Variants in PTPRO observed in about 807,000 individuals in gnomAD.
PTPRO encodes the protein protein tyrosine phosphatase receptor type O, also known as receptor-type tyrosine-protein phosphatase O.
A neutral mutation model predicts 145.2 loss-of-function variants in PTPRO; 62 were observed. The observed-to-expected ratio is 0.43, with a 90% confidence interval of 0.35 to 0.53. The LOEUF is 0.53. Ranked by LOEUF, PTPRO falls within the 20% of genes least tolerant of loss-of-function variation. PTPRO has a pLI of 0.01. For missense variants in PTPRO, 1,345 were observed against 1,482.7 expected, an observed-to-expected ratio of 0.91 and a Z score of 1.53; for synonymous variants, 565 against 514.7, an observed-to-expected ratio of 1.10 and a Z score of -1.32.
chr12:15,541,222 T>G (rs542547081), intron 12 of PTPRO, among the ~76,000 whole-genome samples: 9 of 152,208 alleles, frequency 5.9e-5, no homozygotes, highest in Non-Finnish European at 1.3e-4. Flanking sequence ...CCAGGAGATG[T>G]TCCATAACTA....
chr12:15,524,927 A>G lies in PTPRO; in HGVS notation c.2005A>G (p.Met669Val), dbSNP rs1942807170. The change falls in exon 11 of 27, where the codon ATG becomes GTG. Residue 669 changes from methionine to valine, a missense_variant. Met to Val is a conservative substitution (Grantham distance 21, BLOSUM62 1). Around this residue, in one of 3 missense-constraint regions of PTPRO, gnomAD observed 1,130 missense variants for 1,214.7 expected, o/e 0.93. Transcript: ENST00000281171. ...GTCCCATTCTAGAATGCTTCACTGG[A>G]TGGTGGTTGCAGAAGGAAAAAAGAA... ...DLSHSRMLHW[M>V]VVAEGKKKIK... 1 of 1,613,942 alleles carries G rather than the reference A, an allele frequency of 6.2e-7. No individual in the cohort carries two copies. The highest frequency in any genetic ancestry group is 1.3e-5 in the African/African-American group (1 of 74,896).
intron 1 of PTPRO, among the ~76,000 whole-genome samples, chr12:15,413,823 C>CAAAT (rs200886106): frequency 0.014 from 2,133 of 151,826 alleles, 58 homozygotes; most frequent in African/African-American, 0.049. Flanking sequence ...TCAATAAAAA[C>CAAAT]AAATAAATAA....
At chr12:15,434,125 T>C (rs971680848) in intron 1 of PTPRO, among the ~76,000 whole-genome samples, 7 of 152,200 alleles carry the variant, frequency 4.6e-5, no homozygotes, top group African/African-American at 1.7e-4. Context: ...TCCAGTAAAA[T>C]GCCCTTTGCA....
At chr12:15,410,675 T>C (rs565982572) in intron 1 of PTPRO, 2 of 152,290 alleles carry the variant, frequency 1.3e-5, no homozygotes, top group African/African-American at 4.8e-5. Flanking sequence ...ATTAGTAAAA[T>C]TTGCATCCTA....
chr12:15,403,216 T>A (rs1188394491), intron 1 of PTPRO, among the ~76,000 whole-genome samples: 1 of 152,140 alleles, frequency 6.6e-6, no homozygotes, highest in African/African-American at 2.4e-5. Flanking sequence ...ACACTCCAGC[T>A]TCATCGGCAT....
Position 15,508,701 on chromosome 12 carries a change from T to C in PTPRO, c.1398T>C (p.Ser466=). The C allele has an allele frequency of 6.2e-7, 1 of 1,614,092 alleles. No homozygotes were observed. Among genetic ancestry groups the C allele is most frequent in the Non-Finnish European group, 8.5e-7 (1 of 1,180,008 alleles). ...AGAACTACAACAGCACCATTGTGTC[T>C]GTGGTGTCGCTGACCTGCCAGAAAC... ...SQENYNSTIV[S]VVSLTCQKQK... The change falls in exon 7 of 27, where the codon TCT becomes TCC. Residue 466 remains serine (S), a synonymous_variant. Coordinates refer to ENST00000281171, the MANE Select transcript of PTPRO (RefSeq NM_030667.3).
chr12:15,467,361 C>T (rs1320962349), intron 1 of PTPRO, among the ~76,000 whole-genome samples: 1 of 151,966 alleles, frequency 6.6e-6, no homozygotes, highest in African/African-American at 2.4e-5. Flanking sequence ...CTCCTTCCTT[C>T]CCTGCTAGTA....
rs2135578268 is a variant in PTPRO at position 15,557,510 on chromosome 12, C to T, written c.2614C>T (p.Leu872Phe). 6.2e-7 allele frequency: 1 copy of T among 1,613,440 alleles called. No individual in the cohort carries two copies. The change falls in exon 16 of 27, where the codon CTT becomes TTT. Residue 872 changes from leucine to phenylalanine, a missense_variant. This residue lies in a region of PTPRO where 1,130 missense variants were observed against 1,214.7 expected (regional missense o/e 0.93). Transcript: ENST00000281171. Reference sequence around the variant, plus strand: ...TGCATCCTTAGAGAGGGATGGAAAGCTTCCATACAACTGGTGAGTATTGTT... The same window carrying T: ...TGCATCCTTAGAGAGGGATGGAAAGTTTCCATACAACTGGTGAGTATTGTT... The part of the protein sequence containing the change: ...NFASLERDGK[L>F]PYNWRRSIFA...
At chr12:15,516,622 GAA>G (rs1942602854) in intron 8 of PTPRO, 139 bp from the exon 9 acceptor site, 1 of 661,018 alleles carries the variant, frequency 1.5e-6, no homozygotes, top group African/African-American at 2.0e-5. Context: ...AGGAAGGAAG[GAA>G]GGAAGGAAGG....
intron 1 of PTPRO, among the ~76,000 whole-genome samples, chr12:15,444,513 T>C (rs911887563): frequency 5.9e-5 from 9 of 152,092 alleles, no homozygotes; most frequent in African/African-American, 2.2e-4. Flanking sequence ...AAAAAAAGTT[T>C]TAAAGGCAAA....
intron 1 of PTPRO, among the ~76,000 whole-genome samples, chr12:15,427,017 G>T (rs1052298655): frequency 1.3e-5 from 2 of 152,010 alleles, no homozygotes; most frequent in Non-Finnish European, 2.9e-5. Flanking sequence ...ACACAGCGTA[G>T]CAGGTCAGAA....
Position 15,537,930 on chromosome 12 carries a change from A to G in PTPRO, c.2165-8639A>G, listed in dbSNP as rs530275901. On this transcript the variant is annotated intron_variant, in intron 12 of 26. Transcript: ENST00000281171. ...TAGTGAGCAGAGTGAAGATCATGATAGCCGCTTGTGGATGGTTTCTTCTGA... is the reference window on the plus strand; with the variant it reads ...TAGTGAGCAGAGTGAAGATCATGATGGCCGCTTGTGGATGGTTTCTTCTGA... Among the ~76,000 whole-genome samples, 5 of 152,288 alleles carry G rather than the reference A, an allele frequency of 3.3e-5. No homozygotes were observed. In the South Asian group the frequency reaches 8.3e-4, roughly 25 times the overall value.
At position 15,484,215 on chromosome 12, in the gene PTPRO, C is replaced by A; in HGVS notation, c.317C>A (p.Thr106Asn). The A allele has an allele frequency of 1.2e-6, 2 of 1,613,354 alleles. No individual in the cohort carries two copies. The highest frequency in any genetic ancestry group is 1.7e-6 in the Non-Finnish European group (2 of 1,179,592). Residue 106 changes from threonine (T) to asparagine (N), a missense_variant, in exon 2 of 27, where the codon ACC becomes AAC. Thr to Asn is a moderately conservative substitution (Grantham distance 65, BLOSUM62 0). Coordinates refer to ENST00000281171, the MANE Select transcript of PTPRO (RefSeq NM_030667.3). The stretch of plus-strand genomic sequence containing the variant: ...GTAGTGGTAAATGGAAATGTGGTGA[C>A]CAAGCCATCCAGATCAATCACTGTG... ...TLVVVNGNVVTKPSRSITVLT... is the reference protein window; with the variant it reads ...TLVVVNGNVVNKPSRSITVLT...
chr12:15,433,907 G>A (rs889173334), intron 1 of PTPRO, among the ~76,000 whole-genome samples: 2 of 152,180 alleles, frequency 1.3e-5, no homozygotes, highest in Non-Finnish European at 2.9e-5. Context: ...GCCGTTGGTA[G>A]TTAGCAGCTT....
At chr12:15,564,858 A>G (rs1943858275) in intron 17 of PTPRO, among the ~76,000 whole-genome samples, 1 of 152,240 alleles carries the variant, frequency 6.6e-6, no homozygotes, top group Admixed American at 6.5e-5. Flanking sequence ...AAAGTGCTTC[A>G]ATAGATACTG....
At chr12:15,409,182 T>C (rs1939726881) in intron 1 of PTPRO, among the ~76,000 whole-genome samples, 1 of 152,168 alleles carries the variant, frequency 6.6e-6, no homozygotes, top group Admixed American at 6.5e-5. Flanking sequence ...AGCCAACAAA[T>C]ATTATGCTGC....
chr12:15,482,086 G>A (rs926916586), intron 1 of PTPRO, among the ~76,000 whole-genome samples: 1 of 151,924 alleles, frequency 6.6e-6, no homozygotes, highest in African/African-American at 2.4e-5. Context: ...CTTCACAGGA[G>A]GCAAGATACA....
At chr12:15,330,397 CA>C (rs2136199035) in intron 1 of PTPRO, among the ~76,000 whole-genome samples, 1 of 152,232 alleles carries the variant, frequency 6.6e-6, no homozygotes, top group South Asian at 2.1e-4. Context: ...GTAGCGGTCT[CA>C]AGATAACATG....
rs1591760520 is a variant in PTPRO, at chr12:15,381,583, C to T, written c.75+58782C>T. 2.6e-5 allele frequency among the ~76,000 whole-genome samples: 4 copies of T among 152,210 alleles called. No individual in the cohort carries two copies. The South Asian group carries it at 8.3e-4, about 32-fold the overall frequency. ...GTTGCTTTAAAAAAAATTAAGAAGA[C>T]AACAATAATCTCTTAATGACACCCT... On this transcript the variant is annotated intron_variant, in intron 1 of 26. Transcript: ENST00000281171.
Sources: gnomAD v4.1 joint callset for allele counts (sites outside exome capture counted in the v4.1 genomes callset) on GRCh38, gnomAD v4.1.1 for gene constraint, gnomAD v4.1.1 regional missense constraint, MANE v1.5 for transcripts, NCBI Gene and HGNC (gene_info 2026-07-23, HGNC 2026-07-21) for gene names.